The following SERPINB8 variants were observed in gnomAD, a reference collection of about 807,000 sequenced individuals.
The protein encoded by SERPINB8 is serpin family B member 8.
SERPINB8 carries 25 observed loss-of-function variants against 35.3 expected under a neutral mutation model. That is an observed-to-expected ratio of 0.71 (90% confidence interval 0.52 to 0.99). The LOEUF (loss-of-function observed/expected upper bound fraction) is 0.99, where lower values mean the gene tolerates loss of function less well. Ranked by LOEUF, SERPINB8 falls within the 50% of genes least tolerant of loss-of-function variation. SERPINB8 has a pLI of 0.00. For missense variants in SERPINB8, 484 were observed against 446.5 expected (o/e 1.08, Z -0.76); for synonymous variants, 186 against 160.8 (o/e 1.16, Z -1.19).
intron 1 of SERPINB8, among the ~76,000 whole-genome samples, chr18:64,002,213 C>T (rs1170277134): frequency 6.6e-6 from 1 of 152,216 alleles, no homozygotes; most frequent in Non-Finnish European, 1.5e-5. Flanking sequence ...TCACACTTAG[C>T]ACCGTGGCTC....
intron 1 of SERPINB8, among the ~76,000 whole-genome samples, chr18:63,971,621 C>A (rs556668012): frequency 6.6e-6 from 1 of 152,242 alleles, no homozygotes; most frequent in African/African-American, 2.4e-5. Context: ...CTATTGCAGA[C>A]AATCCCTCTG....
downstream of SERPINB8, among the ~76,000 whole-genome samples, chr18:64,007,326 A>G (rs993952618): frequency 6.6e-6 from 1 of 152,202 alleles, no homozygotes; most frequent in Non-Finnish European, 1.5e-5. Flanking sequence ...AAATTAAATC[A>G]AAAATTTAAC....
intron 1 of SERPINB8, among the ~76,000 whole-genome samples, chr18:63,998,174 T>C (rs970944769): frequency 1.3e-5 from 2 of 152,220 alleles, no homozygotes; most frequent in Non-Finnish European, 2.9e-5. Flanking sequence ...TTGATCACAC[T>C]AGTCCCCTCA....
intron 1 of SERPINB8, among the ~76,000 whole-genome samples, chr18:63,995,462 C>T (rs2050844705): frequency 1.3e-5 from 2 of 152,214 alleles, no homozygotes; most frequent in African/African-American, 4.8e-5. Flanking sequence ...CTGAGACCAC[C>T]ACCACCTGCT....
intron 1 of SERPINB8, among the ~76,000 whole-genome samples, chr18:63,971,724 G>T (rs2050484772): frequency 1.3e-5 from 2 of 152,174 alleles, no homozygotes; most frequent in Admixed American, 1.3e-4. Context: ...TCTTTCTAAA[G>T]CCCCAATGCA....
chr18:64,005,142 T>C, exon 2 of SERPINB8: 1 of 301,444 alleles, frequency 3.3e-6, no homozygotes. Flanking sequence ...TCATATGAAA[T>C]GCACAGTGAA....
intron 1 of SERPINB8, among the ~76,000 whole-genome samples, chr18:64,004,224 G>C (rs1243730025): frequency 3.3e-5 from 5 of 152,090 alleles, no homozygotes; most frequent in Non-Finnish European, 7.4e-5. Context: ...CTTAAATATA[G>C]AGGAAGACAT....
chr18:63,973,590 G>A (rs1490769052), intron 1 of SERPINB8, among the ~76,000 whole-genome samples: 1 of 152,208 alleles, frequency 6.6e-6, no homozygotes, highest in African/African-American at 2.4e-5. Flanking sequence ...GAATGGTATT[G>A]CCTAGGTTTT....
intron 1 of SERPINB8, among the ~76,000 whole-genome samples, chr18:63,974,805 C>G (rs1188627791): frequency 6.6e-6 from 1 of 152,090 alleles, no homozygotes; most frequent in Non-Finnish European, 1.5e-5. Context: ...GGTTTTCTCC[C>G]CTGCCTGACT....
Position 63,978,317 on chromosome 18 carries a change from C to T in SERPINB8, c.9C>T (p.Asp3=), listed in dbSNP as rs1197270892. The T allele has an allele frequency of 6.2e-7, 1 of 1,614,150 alleles. No individual in the cohort carries two copies. Among genetic ancestry groups the T allele is most frequent in the East Asian group, 2.2e-5 (1 of 44,886 alleles). Residue 3 remains aspartate, a synonymous_variant, in exon 2 of 7, where the codon GAC becomes GAT. Coordinates refer to ENST00000397985, the MANE Select transcript of SERPINB8 (RefSeq NM_002640.4). The part of the protein sequence containing the change: MD[D]LCEANGTFAI... ...GATGCAGACCTTCTCTGATGGATGACCTCTGTGAAGCAAATGGCACTTTTG... is the reference window on the plus strand; with the variant it reads ...GATGCAGACCTTCTCTGATGGATGATCTCTGTGAAGCAAATGGCACTTTTG...
intron 1 of SERPINB8, among the ~76,000 whole-genome samples, chr18:63,977,831 A>G (rs551943064): frequency 6.6e-6 from 1 of 152,348 alleles, no homozygotes; most frequent in East Asian, 1.9e-4. Flanking sequence ...CACATTTATT[A>G]TCTTATGGTT....
intron 7 of SERPINB8, among the ~76,000 whole-genome samples, chr18:64,014,980 T>A (rs1421652326): frequency 6.6e-6 from 1 of 152,216 alleles, no homozygotes; most frequent in African/African-American, 2.4e-5. Context: ...TGGGCCTTTT[T>A]ATCTTTTCTC....
Position 63,978,431 on chromosome 18 carries a change from G to A in SERPINB8, c.123G>A (p.Met41Ile). The A allele has an allele frequency of 1.2e-6, 2 of 1,614,196 alleles. No homozygotes were observed. Among genetic ancestry groups the A allele is most frequent in the Non-Finnish European group, 1.7e-6 (2 of 1,180,018 alleles). ...SPMSISSALA[M>I]VFMGAKGSTA... Reference sequence around the variant, plus strand: ...TGAGCATCTCCTCTGCCCTGGCCATGGTCTTCATGGGGGCAAAGGGAAGCA... The same window carrying A: ...TGAGCATCTCCTCTGCCCTGGCCATAGTCTTCATGGGGGCAAAGGGAAGCA... Residue 41 changes from methionine to isoleucine, a missense_variant, in exon 2 of 7, where the codon ATG becomes ATA. Physicochemically the swap from Met to Ile is conservative, Grantham distance 10. Coordinates refer to ENST00000397985, the MANE Select transcript of SERPINB8 (RefSeq NM_002640.4).
chr18:63,997,552 G>A (rs1430380478), intron 1 of SERPINB8, among the ~76,000 whole-genome samples: 1 of 152,172 alleles, frequency 6.6e-6, no homozygotes, highest in Non-Finnish European at 1.5e-5. Context: ...TTACTATGCT[G>A]GAATGAGGTG....
chr18:64,008,408 AT>A (rs538505270), downstream of SERPINB8, among the ~76,000 whole-genome samples: 1,190 of 145,044 alleles, frequency 8.2e-3, 11 homozygotes, highest in African/African-American at 0.024. Context: ...ACGCGGGCTA[AT>A]TTTTTTTTTT....
intron 1 of SERPINB8, among the ~76,000 whole-genome samples, chr18:63,974,395 G>A (rs2050547502): frequency 6.6e-6 from 1 of 152,184 alleles, no homozygotes; most frequent in South Asian, 2.1e-4. Context: ...GGGGAGTGGA[G>A]GAGGTAGTTC....
chr18:64,010,970 C>A (rs1455125541), intron 7 of SERPINB8, among the ~76,000 whole-genome samples: 1 of 151,134 alleles, frequency 6.6e-6, no homozygotes, highest in East Asian at 1.9e-4. Context: ...TGTATATATA[C>A]ACACACACAT....
At position 63,970,088 on chromosome 18, in the gene SERPINB8, G is replaced by A; in HGVS notation, c.-93G>A. ...GCCGGAAGCCTTGCCCTCAATCAAG[G>A]CGGACGTGAAGCATCTACAAAGGAG... On this transcript the variant is annotated 5_prime_UTR_variant, in exon 1 of 7. Coordinates refer to ENST00000397985, the MANE Select transcript of SERPINB8 (RefSeq NM_002640.4). 1 of 276,310 alleles carries A rather than the reference G, an allele frequency of 3.6e-6. No individual in the cohort carries two copies. Among genetic ancestry groups the A allele is most frequent in the South Asian group, 3.2e-5 (1 of 31,174 alleles). 17.1% of individuals were successfully genotyped at this position (276,310 alleles called of 1,614,324 possible). A position where few individuals can be genotyped will look rare whatever the true frequency, so the allele number is the denominator to read the frequency against.
Position 63,987,362 on chromosome 18 carries a change from T to C in SERPINB8, c.*84T>C. 1 of 1,376,272 alleles carries C rather than the reference T, an allele frequency of 7.3e-7. No homozygotes were observed. The highest frequency in any genetic ancestry group is 2.0e-4 in the Middle Eastern group (1 of 5,020). The allele number at this position is 1,376,272 out of a possible 1,614,324, so 85.3% of individuals were successfully genotyped here. A position where few individuals can be genotyped will look rare whatever the true frequency, so the allele number is the denominator to read the frequency against. Reference sequence around the variant, plus strand: ...ATTCCCTGTGACCTAGTTGGTGCAGTGGCTTGAATGCCAAAATAAAGCGTG... The same window carrying C: ...ATTCCCTGTGACCTAGTTGGTGCAGCGGCTTGAATGCCAAAATAAAGCGTG... On this transcript the variant is annotated 3_prime_UTR_variant, in exon 7 of 7. Coordinates refer to ENST00000397985, the MANE Select transcript of SERPINB8 (RefSeq NM_002640.4).
Sources: allele counts gnomAD v4.1 joint callset (sites outside exome capture counted in the v4.1 genomes callset), GRCh38; gene constraint gnomAD v4.1.1; transcripts MANE v1.5; gene names NCBI Gene and HGNC (gene_info 2026-07-23, HGNC 2026-07-21).